Variants in ABI3BP observed in about 807,000 individuals in gnomAD.
The protein encoded by ABI3BP is ABI family member 3 binding protein.
Under a neutral mutation model 268.6 loss-of-function variants are expected in ABI3BP, and 216 were observed. That is an observed-to-expected ratio of 0.80 (90% CI 0.72 to 0.90). The LOEUF is 0.90. Among genes scored for constraint, ABI3BP ranks in the 40% least tolerant of loss-of-function variants. The pLI, the probability that ABI3BP is intolerant of heterozygous loss-of-function variation, is 0.00. For synonymous variants in ABI3BP, 730 were observed against 730.0 expected (o/e 1.00, Z 0.00); for missense variants, 2,090 against 2,182.4 (o/e 0.96, Z 0.84).
intron 1 of ABI3BP, among the ~76,000 whole-genome samples, chr3:100,979,218 G>C (rs2087916153): frequency 6.6e-6 from 1 of 152,184 alleles, no homozygotes; most frequent in South Asian, 2.1e-4. Context: ...CTGAGAGTGA[G>C]AGTCATTATC....
chr3:100,854,074 G>A lies in ABI3BP; in HGVS notation c.1286-2134C>T, dbSNP rs79935920. 7.6e-3 allele frequency among the ~76,000 whole-genome samples: 1,153 copies of A among 152,066 alleles called. 19 individuals carry two copies. The highest frequency in any genetic ancestry group is 0.027 in the African/African-American group (1,106 of 41,438). On this transcript the variant is annotated intron_variant, in intron 14 of 67. Transcript: ENST00000471714. ...GATTCAGAAGTAAAGAGATTGCCTG[G>A]GCGTGGTGGCTCATGTCTGTAATCC... is the stretch of plus-strand genomic sequence containing the variant.
intron 54 of ABI3BP, among the ~76,000 whole-genome samples, chr3:100,794,078 C>A: frequency 6.6e-6 from 1 of 152,058 alleles, no homozygotes; most frequent in South Asian, 2.1e-4. Context: ...CCATTTGCAT[C>A]TTTGACTGGT....
At chr3:100,925,872 T>C (rs887728292) in intron 2 of ABI3BP, among the ~76,000 whole-genome samples, 24 of 147,516 alleles carry the variant, frequency 1.6e-4, no homozygotes, top group African/African-American at 6.0e-4. Context: ...TAATCTTTTT[T>C]CTCTGAAATA....
At chr3:100,912,986 C>A (rs1006296016) in intron 2 of ABI3BP, among the ~76,000 whole-genome samples, 2 of 152,122 alleles carry the variant, frequency 1.3e-5, no homozygotes, top group African/African-American at 4.8e-5. Flanking sequence ...GAGAGGGGAA[C>A]CCCACTGAAG....
At chr3:100,962,233 C>T (rs1447126389) in intron 1 of ABI3BP, among the ~76,000 whole-genome samples, 2 of 152,162 alleles carry the variant, frequency 1.3e-5, no homozygotes, top group African/African-American at 4.8e-5. Context: ...TCCCTCAAAT[C>T]CCCACTTTTG....
At chr3:100,866,632 G>A (rs915716812) in intron 10 of ABI3BP, among the ~76,000 whole-genome samples, 7 of 152,000 alleles carry the variant, frequency 4.6e-5, no homozygotes, top group African/African-American at 1.7e-4. Flanking sequence ...TTTCAGTGTT[G>A]AACTAATAAT....
In ABI3BP at chr3:100,851,880, T is replaced by A. The variant is rs529148520; in HGVS notation, c.1346A>T (p.Tyr449Phe). Residue 449 changes from tyrosine to phenylalanine, a missense_variant, in exon 15 of 68, where the codon TAC becomes TTC. Coordinates refer to ENST00000471714, the MANE Select transcript of ABI3BP (RefSeq NM_001375547.2). ...TSDEPEISDS[Y>F]TATSDRILDS... is the part of the protein sequence containing the mutation. The stretch of plus-strand genomic sequence containing the variant: ...AATTGAGAGGCCAGATATACCTGTG[T>A]AGGAATCTGATATCTCAGGCTCATC... 22 of 1,589,448 alleles carry A rather than the reference T, an allele frequency of 1.4e-5. No individual in the cohort carries two copies. In the Admixed American group the frequency reaches 3.0e-4, roughly 22 times the overall value.
intron 56 of ABI3BP, 74 bp from the exon 57 acceptor site, chr3:100,787,876 G>C: frequency 8.7e-7 from 1 of 1,151,856 alleles, no homozygotes; most frequent in Non-Finnish European, 1.2e-6. Flanking sequence ...AAATTTCTCA[G>C]AGAATTGAAA....
chr3:100,851,829 T>A (rs1404590518), intron 15 of ABI3BP, 46 bp downstream of exon 15: 1 of 1,494,060 alleles, frequency 6.7e-7, no homozygotes. Flanking sequence ...CCACCAAGTG[T>A]TGGAACACCT....
intron 43 of ABI3BP, 153 bp downstream of exon 43, chr3:100,816,535 G>C (rs755310787): frequency 1.4e-6 from 1 of 735,498 alleles, no homozygotes; most frequent in African/African-American, 1.7e-5. Flanking sequence ...AGCTCTGTAC[G>C]AGAAGCAGTT....
rs764406235 is a variant in ABI3BP, at chr3:100,813,664, G to A, written c.3361C>T (p.Pro1121Ser). Residue 1121 changes from proline (P) to serine (S), a missense_variant, in exon 45 of 68, where the codon CCT becomes TCT. Transcript: ENST00000471714. The part of the protein sequence containing the change: ...SPSLEMTESQ[P>S]VSDVLESVTL... ...ACAGATAAAACAATCTATTTACCAG[G>A]TTGACTTTCTGTCATTTCTAGGCTT... 5.2e-6 allele frequency: 8 copies of A among 1,533,996 alleles called. No homozygotes were observed. In the Admixed American group the frequency reaches 7.9e-5, roughly 15 times the overall value.
chr3:100,945,118 G>GA lies in ABI3BP; in HGVS notation c.80-18638dup, dbSNP rs754303491. On this transcript the variant is annotated intron_variant, in intron 1 of 67. Transcript: ENST00000471714. ...AAAAGTGTCTCTAACATCTCATCCA[G>GA]AAAAAATACTATCTTCCTACTAAAG... Among the ~76,000 whole-genome samples, 43 of 152,056 alleles carry GA rather than the reference G, an allele frequency of 2.8e-4. No homozygotes were observed. In the Middle Eastern group the frequency reaches 0.01, roughly 36 times the overall value.
chr3:100,846,368 T>C lies in ABI3BP; in HGVS notation c.1723+4A>G, dbSNP rs2098768662. On this transcript the variant is annotated splice_donor_region_variant and intron_variant, in intron 20 of 67. Transcript: ENST00000471714. ...GAATATTCAAAAAAGTTTAGGGTAA[T>C]TACCAGGTTTGGTGTGTGTCACTTC... is the stretch of plus-strand genomic sequence containing the variant. The C allele has an allele frequency of 1.3e-6, 2 of 1,579,198 alleles. No individual in the cohort carries two copies. The highest frequency in any genetic ancestry group is 1.3e-5 in the African/African-American group (1 of 74,094).
chr3:100,833,579 G>A (rs545303438), intron 29 of ABI3BP, among the ~76,000 whole-genome samples: 47 of 152,264 alleles, frequency 3.1e-4, no homozygotes, highest in Non-Finnish European at 4.4e-4. Context: ...GACTAAAACA[G>A]ATAATGCTGT....
intron 58 of ABI3BP, among the ~76,000 whole-genome samples, chr3:100,779,524 G>C (rs1271278708): frequency 6.6e-6 from 1 of 151,758 alleles, no homozygotes; most frequent in Non-Finnish European, 1.5e-5. Flanking sequence ...ATCTTTTTTT[G>C]GCATAACATA....
intron 2 of ABI3BP, among the ~76,000 whole-genome samples, chr3:100,923,771 A>G (rs1306862297): frequency 6.6e-6 from 1 of 152,244 alleles, no homozygotes; most frequent in Non-Finnish European, 1.5e-5. Context: ...GGGAGAAAGA[A>G]TAATAGAATG....
chr3:100,879,415 T>C lies in ABI3BP; in HGVS notation c.697-2855A>G, dbSNP rs573229394. 5.3e-5 allele frequency among the ~76,000 whole-genome samples: 8 copies of C among 152,364 alleles called. No individual in the cohort carries two copies. The South Asian group carries it at 1.4e-3, about 28-fold the overall frequency. Reference sequence around the variant, plus strand: ...CTCCTGTCACTTAGTGCACATTTTGTACTTAGCGCACGTTTTGTTGAATGC... The same window carrying C: ...CTCCTGTCACTTAGTGCACATTTTGCACTTAGCGCACGTTTTGTTGAATGC... On this transcript the variant is annotated intron_variant, in intron 6 of 67. Coordinates refer to ENST00000471714, the MANE Select transcript of ABI3BP (RefSeq NM_001375547.2).
intron 1 of ABI3BP, among the ~76,000 whole-genome samples, chr3:100,951,986 C>T (rs1239826573): frequency 1.3e-5 from 2 of 149,936 alleles, no homozygotes; most frequent in South Asian, 2.1e-4. Context: ...CCTATCTCAC[C>T]TTCTTTCTTA....
At chr3:100,970,703 T>TAG (rs1220028632) in intron 1 of ABI3BP, among the ~76,000 whole-genome samples, 2 of 152,188 alleles carry the variant, frequency 1.3e-5, no homozygotes, top group East Asian at 3.8e-4. Flanking sequence ...CCTCGCAGGG[T>TAG]AGTTCCACCA....
Sources: allele counts gnomAD v4.1 joint callset (sites outside exome capture counted in the v4.1 genomes callset), GRCh38; gene constraint gnomAD v4.1.1; transcripts MANE v1.5; gene names NCBI Gene and HGNC (gene_info 2026-07-23, HGNC 2026-07-21).